Variants in DAB1 observed in about 807,000 individuals in gnomAD.
DAB1 encodes the protein disabled homolog 1.
A neutral mutation model predicts 64.6 loss-of-function variants in DAB1; 15 were observed. The ratio of observed to expected loss-of-function variants is 0.23; its 90% CI spans 0.16 to 0.36. The LOEUF is 0.36. DAB1 is among the 10% of genes least tolerant of loss of function. The pLI is 1.00. For synonymous variants in DAB1, 235 were observed against 251.9 expected (o/e 0.93, Z 0.64); for missense variants, 596 against 706.7 (o/e 0.84, Z 1.78).
Position 57,086,775 on chromosome 1 carries a change from T to C in DAB1, c.307-14361A>G, listed in dbSNP as rs139844228. 9.5e-3 allele frequency among the ~76,000 whole-genome samples: 1,439 copies of C among 152,218 alleles called. 9 individuals are homozygous for C. The highest frequency in any genetic ancestry group is 0.016 in the Non-Finnish European group (1,114 of 68,014). ...TGCCTCTTTGTTTAATTAGCTGCAC[T>C]GGCAGTTTTTGGAGACAACTGGATG... On this transcript the variant is annotated intron_variant, in intron 4 of 14. Coordinates refer to ENST00000371236, the MANE Select transcript of DAB1 (RefSeq NM_001365792.1).
chr1:57,968,709 GCTA>G (rs1645727731), intron 5 of DAB1, among the ~76,000 whole-genome samples: 1 of 152,094 alleles, frequency 6.6e-6, no homozygotes, highest in Non-Finnish European at 1.5e-5. Context: ...TTAGAACATA[GCTA>G]CTATTTGCCA....
At chr1:57,963,272 G>T (rs1351508822) in intron 5 of DAB1, among the ~76,000 whole-genome samples, 2 of 152,158 alleles carry the variant, frequency 1.3e-5, no homozygotes, top group Non-Finnish European at 2.9e-5. Flanking sequence ...ATGAAGAAAA[G>T]GCTCAGGGTG....
chr1:57,811,143 T>G (rs1418578697), intron 6 of DAB1, among the ~76,000 whole-genome samples: 1 of 152,256 alleles, frequency 6.6e-6, no homozygotes, highest in East Asian at 1.9e-4. Context: ...CTTCCTATTG[T>G]AAGATCCTTA....
intron 3 of DAB1, among the ~76,000 whole-genome samples, chr1:58,406,032 C>T (rs185952889): frequency 6.6e-6 from 1 of 152,336 alleles, no homozygotes; most frequent in East Asian, 1.9e-4. Flanking sequence ...TACACAATCT[C>T]ACTTAATCCT....
At chr1:57,525,850 C>T (rs944889960) in intron 7 of DAB1, among the ~76,000 whole-genome samples, 2 of 151,636 alleles carry the variant, frequency 1.3e-5, no homozygotes, top group African/African-American at 4.9e-5. Flanking sequence ...GGAGAAGGGA[C>T]TACTATATTT....
At chr1:57,622,615 G>C (rs1472782569) in intron 7 of DAB1, among the ~76,000 whole-genome samples, 1 of 152,156 alleles carries the variant, frequency 6.6e-6, no homozygotes, top group Non-Finnish European at 1.5e-5. Flanking sequence ...AACTGAGACA[G>C]AGAGGTTAAG....
chr1:57,553,446 A>AAGAAAGAAAGAAAGAAAG (rs1644944948), intron 7 of DAB1, among the ~76,000 whole-genome samples: 1 of 122,608 alleles, frequency 8.2e-6, no homozygotes, highest in Non-Finnish European at 1.7e-5. Context: ...AAGAAAGAGA[A>AAGAAAGAAAGAAAGAAAG]AGAAAGAAAG....
At chr1:57,310,402 G>A (rs1674591396) in intron 1 of DAB1, among the ~76,000 whole-genome samples, 1 of 152,174 alleles carries the variant, frequency 6.6e-6, no homozygotes, top group Non-Finnish European at 1.5e-5. Flanking sequence ...GAACAGTGGA[G>A]ATACTAGTAT....
At position 57,549,777 on chromosome 1, in the gene DAB1, A is replaced by C. The variant is rs1644893964; in HGVS notation, n.625+99815T>G. On this transcript the variant is annotated intron_variant and non_coding_transcript_variant, in intron 7 of 20. Coordinates refer to the DAB1 transcript ENST00000485760. ...TCTTTAAAATTTCAATTATCTTTGG[A>C]TAATTCTTCCTAATGTAAAGAAAGA... Among the ~76,000 whole-genome samples, 3 of 152,334 alleles carry C rather than the reference A, an allele frequency of 2.0e-5. No individual in the cohort carries two copies. The South Asian group carries it at 6.2e-4, about 32-fold the overall frequency.
rs75287387 is a variant in DAB1 at position 57,804,487 on chromosome 1, C to T, written n.551+79512G>A. ...GGGTTGAGCCTGGGGTTCAATACTT[C>T]CTGAACTTCTACCCATTACCATTTG... On this transcript the variant is annotated intron_variant and non_coding_transcript_variant, in intron 6 of 20. Transcript: ENST00000485760. 3.4e-3 allele frequency among the ~76,000 whole-genome samples: 523 copies of T among 152,240 alleles called. 4 individuals carry two copies. Among genetic ancestry groups the T allele is most frequent in the African/African-American group, 0.012 (504 of 41,542 alleles).
intron 7 of DAB1, among the ~76,000 whole-genome samples, chr1:57,513,197 C>A (rs1216446326): frequency 2.6e-5 from 4 of 151,896 alleles, no homozygotes; most frequent in Non-Finnish European, 4.4e-5. Context: ...TCACTTCTGC[C>A]GTGTTAGCAT....
chr1:57,844,696 G>C (rs1299049216), intron 1 of DAB1, among the ~76,000 whole-genome samples: 8 of 152,174 alleles, frequency 5.3e-5, no homozygotes, highest in African/African-American at 2.4e-5. Context: ...TTCCTGGCTG[G>C]GTTCTGTCAA....
intron 7 of DAB1, among the ~76,000 whole-genome samples, chr1:57,574,203 A>G (rs909214011): frequency 1.3e-5 from 2 of 152,194 alleles, no homozygotes; most frequent in Non-Finnish European, 2.9e-5. Flanking sequence ...GCTATCAGGT[A>G]GTCGTAGTCC....
intron 7 of DAB1, among the ~76,000 whole-genome samples, chr1:57,447,605 AT>A (rs1422673178): frequency 1.3e-5 from 2 of 152,234 alleles, no homozygotes; most frequent in Non-Finnish European, 2.9e-5. Flanking sequence ...AAAATATTAT[AT>A]GATGGTTACA....
At chr1:58,041,866 C>A (rs1260199964) in intron 5 of DAB1, among the ~76,000 whole-genome samples, 1 of 152,174 alleles carries the variant, frequency 6.6e-6, no homozygotes, top group Non-Finnish European at 1.5e-5. Context: ...AGTACCAATC[C>A]CTGATTGCTG....
intron 5 of DAB1, chr1:58,074,527 T>C (rs1363061821): frequency 2.8e-5 from 3 of 108,330 alleles, no homozygotes; most frequent in Admixed American, 2.1e-4. Context: ...TATATACATA[T>C]ATATATATAT....
intron 4 of DAB1, among the ~76,000 whole-genome samples, chr1:58,243,812 A>G (rs185358594): frequency 2.0e-5 from 3 of 152,348 alleles, no homozygotes; most frequent in African/African-American, 7.2e-5. Flanking sequence ...TGAAAAAGAT[A>G]CCCAGAACCA....
At chr1:57,469,656 CT>C (rs1230733932) in intron 7 of DAB1, among the ~76,000 whole-genome samples, 1 of 152,150 alleles carries the variant, frequency 6.6e-6, no homozygotes, top group African/African-American at 2.4e-5. Context: ...TATATAATTC[CT>C]TTCTTAGCCT....
At chr1:58,107,430 CA>C (rs1275266611) in intron 5 of DAB1, among the ~76,000 whole-genome samples, 1 of 148,948 alleles carries the variant, frequency 6.7e-6, no homozygotes, top group Non-Finnish European at 1.5e-5. Context: ...GAGATCGTGC[CA>C]CTGCACTCCA....
Sources: allele counts gnomAD v4.1 joint callset (sites outside exome capture counted in the v4.1 genomes callset), GRCh38; gene constraint gnomAD v4.1.1; transcripts MANE v1.5; gene names NCBI Gene and HGNC (gene_info 2026-07-23, HGNC 2026-07-21).